Variants in MEP1A observed in about 807,000 individuals in gnomAD.
MEP1A encodes N-benzoyl-L-tyrosyl-P-amino-benzoic acid hydrolase subunit alpha.
A neutral mutation model predicts 84.5 loss-of-function variants in MEP1A; 68 were observed. The ratio of observed to expected loss-of-function variants is 0.80; its 90% CI spans 0.66 to 0.98. The LOEUF (loss-of-function observed/expected upper bound fraction) is 0.98, where lower values mean the gene tolerates loss of function less well. Ranked by LOEUF, MEP1A falls within the 50% of genes least tolerant of loss-of-function variation. The pLI, the probability that MEP1A is intolerant of heterozygous loss-of-function variation, is 0.00. For synonymous variants in MEP1A, 337 were observed against 336.8 expected (o/e 1.00, Z -0.01); for missense variants, 887 against 919.9 (o/e 0.96, Z 0.46).
At chr6:46,804,555 A>G (rs963215904) in intron 5 of MEP1A, among the ~76,000 whole-genome samples, 4 of 151,770 alleles carry the variant, frequency 2.6e-5, no homozygotes, top group African/African-American at 9.7e-5. Flanking sequence ...TTCGGGCACT[A>G]GTACACTTTA....
intron 11 of MEP1A, among the ~76,000 whole-genome samples, chr6:46,834,276 G>T (rs1046791528): frequency 6.6e-6 from 1 of 151,472 alleles, no homozygotes; most frequent in Non-Finnish European, 1.5e-5. Context: ...GAAAGAAGCC[G>T]TAGCTGTCCC....
chr6:46,810,671 A>G (rs982118825), intron 6 of MEP1A, among the ~76,000 whole-genome samples: 1 of 152,142 alleles, frequency 6.6e-6, no homozygotes, highest in African/African-American at 2.4e-5. Flanking sequence ...CTCTAGTTTC[A>G]TTCTTCTACA....
chr6:46,810,868 TG>T (rs1222099477), intron 6 of MEP1A, among the ~76,000 whole-genome samples: 2 of 152,154 alleles, frequency 1.3e-5, no homozygotes, highest in Non-Finnish European at 2.9e-5. Flanking sequence ...TTGGTGACTA[TG>T]GCCTTACAGT....
At chr6:46,797,912 TTCCTTCCTTCCTTCCTTCTTTCC>T (rs1562102748) in intron 3 of MEP1A, among the ~76,000 whole-genome samples, 33 of 47,600 alleles carry the variant, frequency 6.9e-4, no homozygotes, top group Middle Eastern at 8.9e-3. Context: ...CCTTCCTTCC[TTCCTTCCTTCCTTCCTTCTTTCC>T]TTCCTTCCTT....
chr6:46,836,727 G>C (rs1405541503), intron 13 of MEP1A, among the ~76,000 whole-genome samples: 3 of 151,320 alleles, frequency 2.0e-5, no homozygotes, highest in Admixed American at 6.6e-5. Context: ...CCTCCAATTT[G>C]GGACAATTCC....
At position 46,833,215 on chromosome 6, in the gene MEP1A, C is replaced by A. The variant is rs780872269; in HGVS notation, c.1286C>A (p.Thr429Asn). ...IYLDDITLTE[T>N]PCPTGVWTVR... is the part of the protein sequence containing the mutation. ...CTAGATGACATCACTCTGACAGAAA[C>A]CCCCTGCCCCACAGGGGTCTGGACA... Residue 429 changes from threonine (T) to asparagine (N), a missense_variant, in exon 11 of 14, where the codon ACC (threonine) becomes AAC (asparagine). Thr to Asn is a moderately conservative substitution (Grantham distance 65). Coordinates refer to ENST00000230588, the MANE Select transcript of MEP1A (RefSeq NM_005588.3). 3 of 1,612,800 alleles carry A rather than the reference C, an allele frequency of 1.9e-6. No homozygotes were observed. Among genetic ancestry groups the A allele is most frequent in the South Asian group, 2.2e-5 (2 of 90,906 alleles).
At chr6:46,840,781 C>A (rs193098071), downstream of MEP1A, among the ~76,000 whole-genome samples, 17 of 152,264 alleles carry the variant, frequency 1.1e-4, no homozygotes, top group African/African-American at 4.1e-4. Context: ...GAAAATATTA[C>A]TATTCAATGT....
Position 46,839,745 on chromosome 6 carries a change from G to C in MEP1A, c.*609G>C, listed in dbSNP as rs909122346. The stretch of plus-strand genomic sequence containing the variant: ...CTTTCCTCTGAGATTCTAAGAGAAG[G>C]CCTTTAATAAATTTAATAAATATTG... On this transcript the variant is annotated 3_prime_UTR_variant, in exon 14 of 14. Coordinates refer to ENST00000230588, the MANE Select transcript of MEP1A (RefSeq NM_005588.3). 6.6e-6 allele frequency: 1 copy of C among 152,126 alleles called. No homozygotes were observed. The highest frequency in any genetic ancestry group is 2.4e-5 in the African/African-American group (1 of 41,422). The allele number at this position is 152,126 out of a possible 1,614,324, so 9.4% of individuals were successfully genotyped here. A position where few individuals can be genotyped will look rare whatever the true frequency, so the allele number is the denominator to read the frequency against.
intron 7 of MEP1A, among the ~76,000 whole-genome samples, chr6:46,823,985 G>A (rs924051075): frequency 6.6e-6 from 1 of 152,124 alleles, no homozygotes; most frequent in African/African-American, 2.4e-5. Flanking sequence ...TGAAACAGAA[G>A]GATGTGAGCC....
rs1398679086 is a variant in MEP1A, at chr6:46,835,454, C to A, written c.1989C>A (p.Asp663Glu). 6.2e-7 allele frequency: 1 copy of A among 1,612,754 alleles called. No individual in the cohort carries two copies. Among genetic ancestry groups the A allele is most frequent in the East Asian group, 2.2e-5 (1 of 44,858 alleles). ...RSVENTGPLE[D>E]HNWPQYFRDP... is the part of the protein sequence containing the mutation. ...TGGAGAACACAGGCCCCCTGGAGGA[C>A]CATAACTGGCCACAGTACTTCAGAG... Residue 663 changes from aspartate (D) to glutamate (E), a missense_variant, in exon 13 of 14, where the codon GAC (aspartate) becomes GAA (glutamate). Physicochemically the swap from Asp to Glu is conservative, Grantham distance 45. Transcript: ENST00000230588.
chr6:46,822,673 AGCTGGGATGACTG>A (rs1767808829), intron 7 of MEP1A, among the ~76,000 whole-genome samples: 3 of 151,980 alleles, frequency 2.0e-5, no homozygotes, highest in Non-Finnish European at 4.4e-5. Context: ...CCTCCTGAAT[AGCTGGGATGACTG>A]GCGTCCACCA....
At chr6:46,811,520 T>C (rs1323610752) in intron 6 of MEP1A, among the ~76,000 whole-genome samples, 1 of 152,018 alleles carries the variant, frequency 6.6e-6, no homozygotes, top group East Asian at 1.9e-4. Flanking sequence ...TGAATAGAAG[T>C]AGTAACAGAG....
intron 9 of MEP1A, among the ~76,000 whole-genome samples, chr6:46,828,911 T>TATC (rs3028376): frequency 0.42 from 63,847 of 151,786 alleles, 13,736 homozygotes; most frequent in African/African-American, 0.49. Context: ...ATTGAACCCT[T>TATC]ATTGTCAATG....
At chr6:46,797,633 A>AATGGTACACATATCC (rs1767073471) in intron 3 of MEP1A, among the ~76,000 whole-genome samples, 1 of 152,234 alleles carries the variant, frequency 6.6e-6, no homozygotes, top group East Asian at 1.9e-4. Flanking sequence ...CAAGAGGCAG[A>AATGGTACACATATCC]ATGGTACACT....
At chr6:46,798,536 T>A in intron 3 of MEP1A, 70 bp from the exon 4 acceptor site, 1 of 1,243,294 alleles carries the variant, frequency 8.0e-7, no homozygotes, top group East Asian at 2.3e-5. Flanking sequence ...AATACTAATT[T>A]TATTACGAAA....
intron 11 of MEP1A, 44 bp from the exon 12 acceptor site, chr6:46,834,534 G>A: frequency 7.2e-7 from 1 of 1,380,424 alleles, no homozygotes; most frequent in Non-Finnish European, 9.9e-7. Context: ...GGAAAGTGAA[G>A]TCTAAAGAGG....
rs144659232 is a variant in MEP1A at position 46,798,103 on chromosome 6, G to T, written c.146-503G>T. ...CTGCCTCAGCCTCCCGAGTACCTGG[G>T]ACTACAGGTGCACGCCACCATGCCC... On this transcript the variant is annotated intron_variant, in intron 3 of 13. Transcript: ENST00000230588. Among the ~76,000 whole-genome samples the T allele has an allele frequency of 7.7e-3, 1,167 of 151,914 alleles. 19 individuals carry two copies. The highest frequency in any genetic ancestry group is 0.025 in the African/African-American group (1,047 of 41,398).
At chr6:46,809,981 G>C (rs563305330) in intron 6 of MEP1A, among the ~76,000 whole-genome samples, 3 of 151,946 alleles carry the variant, frequency 2.0e-5, no homozygotes, top group African/African-American at 7.2e-5. Context: ...TAGATACCTA[G>C]TAGTGGGATT....
Position 46,793,598 on chromosome 6 carries a change from C to CA in MEP1A, c.94+23dup, listed in dbSNP as rs751382257. On this transcript the variant is annotated intron_variant, in intron 2 of 13. Coordinates refer to ENST00000230588, the MANE Select transcript of MEP1A (RefSeq NM_005588.3). ...AATGGTAAGAATTAGTTCAAATGCA[C>CA]AGAGAGTGTTTTTGAACTTTTTTCC... 5 of 1,563,194 alleles carry CA rather than the reference C, an allele frequency of 3.2e-6. No homozygotes were observed. In the South Asian group the frequency reaches 5.8e-5, roughly 18 times the overall value.
Sources: allele counts gnomAD v4.1 joint callset (sites outside exome capture counted in the v4.1 genomes callset), GRCh38; gene constraint gnomAD v4.1.1; transcripts MANE v1.5; gene names NCBI Gene and HGNC (gene_info 2026-07-23, HGNC 2026-07-21).